The following SORCS2 variants were observed in gnomAD, a reference collection of about 807,000 sequenced individuals.
SORCS2 encodes the protein sortilin related VPS10 domain containing receptor 2, also known as VPS10 domain-containing receptor SorCS2.
Under a neutral mutation model 141.6 loss-of-function variants are expected in SORCS2, and 100 were observed. That is an observed-to-expected ratio of 0.71 (90% confidence interval 0.60 to 0.83). The LOEUF (loss-of-function observed/expected upper bound fraction) is 0.83. Ranked by LOEUF, SORCS2 falls within the 40% of genes least tolerant of loss-of-function variation. The probability of loss-of-function intolerance (pLI) is 0.00; values close to 1 mark genes in which losing one functional copy is unlikely to be tolerated. For missense variants in SORCS2, 1,646 were observed against 1,560.2 expected (o/e 1.05, Z -0.93); for synonymous variants, 789 against 676.9 (o/e 1.17, Z -2.57).
chr4:7,524,770 G>A (rs888824513), intron 2 of SORCS2, among the ~76,000 whole-genome samples: 4 of 152,000 alleles, frequency 2.6e-5, no homozygotes, highest in African/African-American at 4.8e-5. Flanking sequence ...TGCTGGAGTC[G>A]GGTGGTCCCC....
chr4:7,369,728 C>G (rs999931693), intron 1 of SORCS2, among the ~76,000 whole-genome samples: 21 of 152,298 alleles, frequency 1.4e-4, no homozygotes, highest in African/African-American at 5.1e-4. Flanking sequence ...TGCCTCTGGT[C>G]GGCTTTGCAG....
At chr4:7,294,554 G>A (rs968274324) in intron 1 of SORCS2, among the ~76,000 whole-genome samples, 7 of 151,566 alleles carry the variant, frequency 4.6e-5, no homozygotes, top group Admixed American at 2.0e-4. Context: ...AGGGGTGCAG[G>A]GGGTGCTCTG....
At chr4:7,328,542 C>T (rs1449173369) in intron 1 of SORCS2, among the ~76,000 whole-genome samples, 1 of 152,148 alleles carries the variant, frequency 6.6e-6, no homozygotes, top group African/African-American at 2.4e-5. Context: ...CAGGTACAAG[C>T]CCCAGGTAGC....
At chr4:7,277,696 G>T (rs1243219314) in intron 1 of SORCS2, among the ~76,000 whole-genome samples, 1 of 152,166 alleles carries the variant, frequency 6.6e-6, no homozygotes, top group Non-Finnish European at 1.5e-5. Context: ...ATAATTTGGG[G>T]GTGGCCGTCT....
chr4:7,200,116 C>T (rs1727407955), intron 1 of SORCS2, among the ~76,000 whole-genome samples: 1 of 152,096 alleles, frequency 6.6e-6, no homozygotes, highest in Admixed American at 6.5e-5. Flanking sequence ...TCCCCCCTCG[C>T]TGGAAGTGCT....
chr4:7,562,073 A>T (rs1008284799), intron 3 of SORCS2, among the ~76,000 whole-genome samples: 5 of 152,232 alleles, frequency 3.3e-5, no homozygotes, highest in African/African-American at 9.6e-5. Flanking sequence ...CATGGAGTTG[A>T]CAACTTAGTA....
rs1016501270 is a variant in SORCS2, at chr4:7,201,286, A to G, written c.480+8160A>G. Among the ~76,000 whole-genome samples, 6 of 152,362 alleles carry G rather than the reference A, an allele frequency of 3.9e-5. No homozygotes were observed. The highest frequency in any genetic ancestry group is 1.4e-4 in the African/African-American group (6 of 41,590). ...ACAGGAGAGACTCGTGCGTTGATCA[A>G]GAAGCCTGGCTCGAAGTCATAGAGA... On this transcript the variant is annotated intron_variant, in intron 1 of 26. Coordinates refer to ENST00000507866, the MANE Select transcript of SORCS2 (RefSeq NM_020777.3). This position sits in a 1 kb window ranked among gnomAD's most constrained non-coding sequence, Gnocchi z 4.4.
intron 8 of SORCS2, among the ~76,000 whole-genome samples, chr4:7,672,020 T>C (rs988089014): frequency 6.6e-6 from 1 of 150,560 alleles, no homozygotes; most frequent in African/African-American, 2.4e-5. Flanking sequence ...CTCAGCTCAC[T>C]GCAACCTCCA....
intron 8 of SORCS2, among the ~76,000 whole-genome samples, chr4:7,670,470 G>C (rs1476785203): frequency 6.6e-6 from 1 of 152,168 alleles, no homozygotes; most frequent in African/African-American, 2.4e-5. Context: ...TCCTGTATTT[G>C]CCATAAATGT....
intron 14 of SORCS2, among the ~76,000 whole-genome samples, chr4:7,711,317 G>A (rs1399586360): frequency 6.6e-6 from 1 of 152,180 alleles, no homozygotes; most frequent in East Asian, 1.9e-4. Context: ...CAGCTGTCAT[G>A]TCTCAGAAAT....
intron 1 of SORCS2, among the ~76,000 whole-genome samples, chr4:7,389,245 AC>A (rs750341544): frequency 8.6e-5 from 13 of 151,956 alleles, no homozygotes; most frequent in Non-Finnish European, 1.8e-4. Context: ...GACCAGTGTA[AC>A]TCTTTAAGAA....
At chr4:7,260,389 C>A (rs73799427) in intron 1 of SORCS2, among the ~76,000 whole-genome samples, 3 of 152,336 alleles carry the variant, frequency 2.0e-5, no homozygotes, top group East Asian at 3.9e-4. Flanking sequence ...CCACCTCCCC[C>A]CTCCCAGGAA....
chr4:7,561,576 C>A (rs1190631912), intron 3 of SORCS2, among the ~76,000 whole-genome samples: 1 of 133,658 alleles, frequency 7.5e-6, no homozygotes, highest in African/African-American at 3.0e-5. Flanking sequence ...ACCTACCAAT[C>A]CATCTATCCA....
At chr4:7,418,711 C>T (rs887734754) in intron 2 of SORCS2, among the ~76,000 whole-genome samples, 1 of 119,560 alleles carries the variant, frequency 8.4e-6, no homozygotes, top group Non-Finnish European at 1.9e-5. Context: ...GACCCCCCCC[C>T]CCACCAGATT....
chr4:7,383,075 G>T (rs1433863098), intron 1 of SORCS2, among the ~76,000 whole-genome samples: 2 of 152,074 alleles, frequency 1.3e-5, no homozygotes, highest in Non-Finnish European at 2.9e-5. Context: ...CGATCCCACG[G>T]AGTCCTCATG....
At chr4:7,274,157 C>T (rs1363132287) in intron 1 of SORCS2, among the ~76,000 whole-genome samples, 1 of 152,206 alleles carries the variant, frequency 6.6e-6, no homozygotes, top group Non-Finnish European at 1.5e-5. Context: ...TCCAGCTAGC[C>T]CAAAAACAGA....
rs1211352148 is a variant in SORCS2 at position 7,193,347 on chromosome 4, G to A, written c.480+221G>A. Among the ~76,000 whole-genome samples, 5 of 152,202 alleles carry A rather than the reference G, an allele frequency of 3.3e-5. No individual in the cohort carries two copies. Among genetic ancestry groups the A allele is most frequent in the Non-Finnish European group, 7.3e-5 (5 of 68,042 alleles). On this transcript the variant is annotated intron_variant, in intron 1 of 26. Coordinates refer to ENST00000507866, the MANE Select transcript of SORCS2 (RefSeq NM_020777.3). The surrounding 1 kb of genome is among the most constrained non-coding windows in gnomAD (Gnocchi z 4.8). The stretch of plus-strand genomic sequence containing the variant: ...GATTCGTACGCTTGTCTCACCGCAG[G>A]GGACATTCCCGCAGATTTCGGGATC...
intron 14 of SORCS2, among the ~76,000 whole-genome samples, chr4:7,707,681 G>A (rs1368750556): frequency 1.3e-5 from 2 of 152,240 alleles, no homozygotes; most frequent in African/African-American, 4.8e-5. Flanking sequence ...TGGTTCTGCT[G>A]GCTTCACTGG....
intron 2 of SORCS2, among the ~76,000 whole-genome samples, chr4:7,490,448 C>T (rs1258520435): frequency 6.6e-6 from 1 of 152,168 alleles, no homozygotes; most frequent in Non-Finnish European, 1.5e-5. Flanking sequence ...GTCTCTGCCC[C>T]AGGAGGATTT....
Sources: allele counts gnomAD v4.1 joint callset (sites outside exome capture counted in the v4.1 genomes callset), GRCh38; gene constraint gnomAD v4.1.1; non-coding constraint Gnocchi (gnomAD v3.1); transcripts MANE v1.5; gene names NCBI Gene and HGNC (gene_info 2026-07-23, HGNC 2026-07-21).